Variants in GALNT13 observed in about 807,000 individuals in gnomAD.
The protein encoded by GALNT13 is UDP-GalNAc:polypeptide N-acetylgalactosaminyltransferase 13.
GALNT13 carries 28 observed loss-of-function variants against 64.2 expected under a neutral mutation model. The ratio of observed to expected loss-of-function variants is 0.44; its 90% CI spans 0.32 to 0.60. GALNT13 has a LOEUF of 0.60. GALNT13 is among the 20% of genes least tolerant of loss of function. The probability of loss-of-function intolerance (pLI) is 0.05; values close to 1 mark genes in which losing one functional copy is unlikely to be tolerated. For synonymous variants in GALNT13, 214 were observed against 224.6 expected, an observed-to-expected ratio of 0.95 and a Z score of 0.42; for missense variants, 577 against 669.8, an observed-to-expected ratio of 0.86 and a Z score of 1.53.
At chr2:154,268,887 T>A (rs569603459) in intron 8 of GALNT13, among the ~76,000 whole-genome samples, 107 of 152,176 alleles carry the variant, frequency 7.0e-4, no homozygotes, top group Non-Finnish European at 1.3e-3. Context: ...CTTTTTATTA[T>A]AATTACCCTT....
the GALNT13 span, among the ~76,000 whole-genome samples, chr2:153,590,149 G>A: frequency 1.3e-5 from 2 of 152,130 alleles, no homozygotes; most frequent in South Asian, 4.2e-4. Flanking sequence ...GAAATAAAAA[G>A]GAGGCATTAC....
At chr2:153,771,948 G>A in the GALNT13 span, among the ~76,000 whole-genome samples, 2 of 152,122 alleles carry the variant, frequency 1.3e-5, no homozygotes, top group East Asian at 3.9e-4. Flanking sequence ...GTTGACCAAG[G>A]GAGCAGTCCG....
chr2:154,162,093 T>C (rs983240820), intron 4 of GALNT13, among the ~76,000 whole-genome samples: 1 of 152,192 alleles, frequency 6.6e-6, no homozygotes, highest in African/African-American at 2.4e-5. Flanking sequence ...AGTGTATTTT[T>C]TTCTTTTGAA....
chr2:154,380,985 C>A (rs760355945), intron 9 of GALNT13, among the ~76,000 whole-genome samples: 5 of 152,014 alleles, frequency 3.3e-5, no homozygotes, highest in Non-Finnish European at 7.4e-5. Context: ...TCACCAATGC[C>A]AGAAATGCAG....
At chr2:153,292,963 G>T in the GALNT13 span, among the ~76,000 whole-genome samples, 2 of 151,938 alleles carry the variant, frequency 1.3e-5, no homozygotes, top group Non-Finnish European at 2.9e-5. Flanking sequence ...TGAAGTAGAT[G>T]GAGTTTATCT....
chr2:153,620,969 GA>G, the GALNT13 span, among the ~76,000 whole-genome samples: 1 of 152,018 alleles, frequency 6.6e-6, no homozygotes, highest in East Asian at 1.9e-4. Flanking sequence ...TGCTTTAGGG[GA>G]CACTCCAAGC....
the GALNT13 span, among the ~76,000 whole-genome samples, chr2:153,824,059 A>G: frequency 6.6e-6 from 1 of 152,226 alleles, no homozygotes; most frequent in Non-Finnish European, 1.5e-5. Flanking sequence ...AGTCAAAACC[A>G]CAATGAGACA....
the GALNT13 span, among the ~76,000 whole-genome samples, chr2:153,692,765 G>A: frequency 6.6e-6 from 1 of 151,914 alleles, no homozygotes; most frequent in Non-Finnish European, 1.5e-5. Context: ...ATATATTGAG[G>A]GCATATATAT....
chr2:153,632,232 C>T, the GALNT13 span, among the ~76,000 whole-genome samples: 1 of 152,116 alleles, frequency 6.6e-6, no homozygotes, highest in Admixed American at 6.6e-5. Context: ...CAGTTTTAAA[C>T]TCATAGAACA....
chr2:153,810,804 T>C, the GALNT13 span, among the ~76,000 whole-genome samples: 129,833 of 152,186 alleles, frequency 0.85, 56,378 homozygotes, highest in Non-Finnish European at 0.92. Flanking sequence ...TATTAAAATG[T>C]TGTGCTTATA....
the GALNT13 span, among the ~76,000 whole-genome samples, chr2:153,178,243 C>T: frequency 6.6e-6 from 1 of 152,184 alleles, no homozygotes; most frequent in Non-Finnish European, 1.5e-5. Flanking sequence ...ATAGCTGGAT[C>T]ATATGATAAT....
chr2:154,384,669 C>T (rs1035008037), intron 9 of GALNT13, among the ~76,000 whole-genome samples: 3 of 151,776 alleles, frequency 2.0e-5, no homozygotes, highest in African/African-American at 7.3e-5. Flanking sequence ...TTTATATTTG[C>T]AGGATGACTC....
At chr2:153,345,314 A>ATCC in the GALNT13 span, among the ~76,000 whole-genome samples, 2 of 152,174 alleles carry the variant, frequency 1.3e-5, no homozygotes, top group Non-Finnish European at 2.9e-5. Flanking sequence ...CCTGTAGAGT[A>ATCC]TCCTTAAGGG....
the GALNT13 span, among the ~76,000 whole-genome samples, chr2:153,439,674 A>G: frequency 6.6e-6 from 1 of 152,182 alleles, no homozygotes; most frequent in Admixed American, 6.5e-5. Context: ...GGAAAAGCAT[A>G]GTATTAGGGT....
intron 3 of GALNT13, among the ~76,000 whole-genome samples, chr2:154,107,464 C>T (rs981098747): frequency 1.3e-5 from 2 of 151,458 alleles, no homozygotes; most frequent in Non-Finnish European, 2.9e-5. Context: ...GTGGCGCGTG[C>T]GTGTAGTCCC....
At chr2:153,441,836 G>T in the GALNT13 span, among the ~76,000 whole-genome samples, 1 of 152,184 alleles carries the variant, frequency 6.6e-6, no homozygotes, top group Non-Finnish European at 1.5e-5. Flanking sequence ...ATCAGCTTAA[G>T]TAGATTTGGA....
intron 8 of GALNT13, among the ~76,000 whole-genome samples, chr2:154,264,060 C>T (rs7593783): frequency 0.72 from 109,859 of 151,984 alleles, 40,135 homozygotes; most frequent in East Asian, 0.86. Flanking sequence ...AGACCAAGCC[C>T]GCTGGAATTT....
At chr2:153,445,923 T>G in the GALNT13 span, among the ~76,000 whole-genome samples, 1 of 152,108 alleles carries the variant, frequency 6.6e-6, no homozygotes, top group East Asian at 1.9e-4. Context: ...AAAGATTAGG[T>G]GGTGGAAAGA....
the GALNT13 span, among the ~76,000 whole-genome samples, chr2:153,275,105 C>T: frequency 2.0e-5 from 3 of 152,172 alleles, no homozygotes; most frequent in African/African-American, 4.8e-5. Flanking sequence ...TTTCCCTGTA[C>T]TGCCCCACTT....
Sources: allele counts gnomAD v4.1 joint callset (sites outside exome capture counted in the v4.1 genomes callset), GRCh38; gene constraint gnomAD v4.1.1; transcripts MANE v1.5; gene names NCBI Gene and HGNC (gene_info 2026-07-23, HGNC 2026-07-21).